The following NOP14 variants were observed in gnomAD, a reference collection of about 807,000 sequenced individuals.
The protein encoded by NOP14 is NOP14 nucleolar protein, also known as nucleolar protein 14.
In NOP14, 57 loss-of-function variants were observed where a neutral mutation model predicts 101.6. That is an observed-to-expected ratio of 0.56 (90% confidence interval 0.45 to 0.70). The LOEUF is 0.70. NOP14 is among the 30% of genes least tolerant of loss of function. The probability of loss-of-function intolerance (pLI) is 0.00; values close to 1 mark genes in which losing one functional copy is unlikely to be tolerated. For synonymous variants in NOP14, 428 were observed against 424.0 expected, an observed-to-expected ratio of 1.01 and a Z score of -0.12; for missense variants, 1,134 against 1,075.5, an observed-to-expected ratio of 1.05 and a Z score of -0.76.
In NOP14 at chr4:2,944,242, T is replaced by TG. The variant is rs778501461; in HGVS notation, c.1738-17dup. 27 of 1,607,468 alleles carry TG rather than the reference T, an allele frequency of 1.7e-5. No individual in the cohort carries two copies. Among genetic ancestry groups the TG allele is most frequent in the Admixed American group, 1.5e-4 (9 of 58,222 alleles). On this transcript the variant is annotated splice_polypyrimidine_tract_variant and intron_variant, in intron 12 of 17. Coordinates refer to ENST00000416614, the MANE Select transcript of NOP14 (RefSeq NM_001291978.2). ...GGATGGGGCACTGGAAAGGAACATA[T>TG]GGGGGGTTACTGTCCTGGGACGATG...
At chr4:2,943,098 G>T (rs1189318352) in intron 13 of NOP14, among the ~76,000 whole-genome samples, 1 of 152,230 alleles carries the variant, frequency 6.6e-6, no homozygotes, top group African/African-American at 2.4e-5. Context: ...GGCTCTCCCG[G>T]AGGCAGGGAG....
chr4:2,938,878 G>C lies in NOP14; in HGVS notation c.2527C>G (p.Gln843Glu). Residue 843 changes from glutamine (Q) to glutamate (E), a missense_variant, in exon 18 of 18, where the codon CAG becomes GAG. Coordinates refer to ENST00000416614, the MANE Select transcript of NOP14 (RefSeq NM_001291978.2). ...TTCAGAGCCTTCCATTCGCCTTCCT[G>C]TGTAGCCAGGCTGTTAAAAAGCTGC... ...VKQLFNSLAT[Q>E]EGEWKALKRK... 6.2e-7 allele frequency: 1 copy of C among 1,614,124 alleles called. No individual in the cohort carries two copies. Among genetic ancestry groups the C allele is most frequent in the Non-Finnish European group, 8.5e-7 (1 of 1,180,010 alleles).
At position 2,944,749 on chromosome 4, in the gene NOP14, G is replaced by A. The variant is rs903727342; in HGVS notation, c.1737+379C>T. 1.3e-4 allele frequency among the ~76,000 whole-genome samples: 20 copies of A among 152,172 alleles called. 1 individual carries two copies. Among genetic ancestry groups the A allele is most frequent in the Admixed American group, 1.2e-3 (18 of 15,278 alleles). On this transcript the variant is annotated intron_variant, in intron 12 of 17. Coordinates refer to ENST00000416614, the MANE Select transcript of NOP14 (RefSeq NM_001291978.2). Reference sequence around the variant, plus strand: ...AAAGTTCCTTCCACCCATACAGAGCGTACGATTACTGCACTAAGCATGTAC... The same window carrying A: ...AAAGTTCCTTCCACCCATACAGAGCATACGATTACTGCACTAAGCATGTAC...
intron 1 of NOP14, among the ~76,000 whole-genome samples, chr4:2,961,161 T>C (rs1188023242): frequency 1.9e-5 from 1 of 52,616 alleles, no homozygotes; most frequent in East Asian, 8.4e-4. Context: ...AATAATATAT[T>C]AATATGCTAT....
chr4:2,938,912 C>G lies in NOP14; in HGVS notation c.2493G>C (p.Arg831=). ...EIMERDAERK[R]KVKQLFNSLA... is the part of the protein sequence containing the mutation. Reference sequence around the variant, plus strand: ...GGCTGTTAAAAAGCTGCTTTACTTTCCGCTTTCTTTCCGCATCCCTAAAAG... The same window carrying G: ...GGCTGTTAAAAAGCTGCTTTACTTTGCGCTTTCTTTCCGCATCCCTAAAAG... The change falls in exon 18 of 18, where the codon CGG becomes CGC. Residue 831 remains arginine (R), a synonymous_variant. Transcript: ENST00000416614. The G allele has an allele frequency of 6.2e-7, 1 of 1,614,152 alleles. No homozygotes were observed. Among genetic ancestry groups the G allele is most frequent in the Admixed American group, 1.7e-5 (1 of 60,030 alleles).
chr4:2,944,008 A>G, intron 13 of NOP14, 65 bp downstream of exon 13: 3 of 1,334,170 alleles, frequency 2.2e-6, no homozygotes, highest in Non-Finnish European at 3.1e-6. Context: ...TACAATGAGT[A>G]TGAACTACTT....
At chr4:2,948,558 G>A in intron 8 of NOP14, 150 bp from the exon 9 acceptor site, 1 of 519,090 alleles carries the variant, frequency 1.9e-6, no homozygotes, top group Non-Finnish European at 3.0e-6. Flanking sequence ...GGGTTCAAGA[G>A]ATTCTCCTGC....
At chr4:2,960,853 TCAA>T (rs1364663719) in intron 1 of NOP14, among the ~76,000 whole-genome samples, 67 of 111,374 alleles carry the variant, frequency 6.0e-4, no homozygotes, top group South Asian at 7.2e-4. Context: ...AATCACATTA[TCAA>T]TATATTAATA....
chr4:2,943,413 G>A (rs1714370562), intron 13 of NOP14, among the ~76,000 whole-genome samples: 1 of 152,250 alleles, frequency 6.6e-6, no homozygotes, highest in Non-Finnish European at 1.5e-5. Flanking sequence ...TCAGGAAGAG[G>A]CTGTGCAGCT....
intron 9 of NOP14, 21 bp downstream of exon 9, chr4:2,948,255 CCA>C (rs1714792191): frequency 2.5e-6 from 4 of 1,583,184 alleles, no homozygotes; most frequent in Admixed American, 1.9e-5. Flanking sequence ...TCCCAGCGCT[CCA>C]CACACACTCA....
At chr4:2,962,676 T>TA (rs912461618) in intron 1 of NOP14, among the ~76,000 whole-genome samples, 13 of 151,092 alleles carry the variant, frequency 8.6e-5, no homozygotes, top group African/African-American at 2.9e-4. Flanking sequence ...AAAAAAAAGT[T>TA]AAAAAAACTA....
chr4:2,959,321 G>A (rs748324844), intron 1 of NOP14, among the ~76,000 whole-genome samples: 45 of 152,284 alleles, frequency 3.0e-4, no homozygotes, highest in Middle Eastern at 3.4e-3. Context: ...GGCCGGGCGC[G>A]GTGGCTCACG....
chr4:2,957,730 G>C lies in NOP14; in HGVS notation c.206C>G (p.Thr69Ser). The C allele has an allele frequency of 1.9e-6, 3 of 1,613,620 alleles. No homozygotes were observed. The highest frequency in any genetic ancestry group is 2.5e-6 in the Non-Finnish European group (3 of 1,179,850). ...CCTTTCTTTGTACTCTTTTAGTAAAGTCTGTGTACGCTGGAAAACAGGTCA... is the reference window on the plus strand; with the variant it reads ...CCTTTCTTTGTACTCTTTTAGTAAACTCTGTGTACGCTGGAAAACAGGTCA... ...RARALRKRTQ[T>S]LLKEYKERDK... Residue 69 changes from threonine to serine, a missense_variant, in exon 2 of 18, where the codon ACT becomes AGT. Physicochemically the swap from Thr to Ser is moderately conservative, Grantham distance 58 (BLOSUM62 1). Coordinates refer to ENST00000416614, the MANE Select transcript of NOP14 (RefSeq NM_001291978.2).
chr4:2,958,152 G>A (rs1227357936), intron 1 of NOP14, among the ~76,000 whole-genome samples: 2 of 152,176 alleles, frequency 1.3e-5, no homozygotes, highest in Non-Finnish European at 2.9e-5. Flanking sequence ...GTACTCCTAA[G>A]AAATGTGTAG....
chr4:2,957,801 A>G (rs1715452753), intron 1 of NOP14, 61 bp from the exon 2 acceptor site: 2 of 1,572,470 alleles, frequency 1.3e-6, no homozygotes, highest in Non-Finnish European at 8.7e-7. Context: ...TACAGGGGAC[A>G]TCAGAACAGT....
rs1714546703 is a variant in NOP14 at position 2,945,372 on chromosome 4, A to T, written c.1636-143T>A. 4 of 645,120 alleles carry T rather than the reference A, an allele frequency of 6.2e-6. No individual in the cohort carries two copies. The East Asian group carries it at 1.2e-4, about 19-fold the overall frequency. 40.0% of individuals were successfully genotyped at this position (645,120 alleles called of 1,614,324 possible). On this transcript the variant is annotated intron_variant, in intron 11 of 17. Coordinates refer to ENST00000416614, the MANE Select transcript of NOP14 (RefSeq NM_001291978.2). ...GGCCCAGAGCTCTGGCCTCAGTGTC[A>T]CAGAACAGGCGTCCAACCACCGTGG...
rs900577362 is a variant in NOP14 at position 2,938,117 on chromosome 4, T to G, written c.*714A>C. On this transcript the variant is annotated 3_prime_UTR_variant, in exon 18 of 18. Coordinates refer to ENST00000416614, the MANE Select transcript of NOP14 (RefSeq NM_001291978.2). ...GACCATTCCCGATCCCAGAGGTGCA[T>G]TTCAGGATTCATTCTATTTCATCAG... is the stretch of plus-strand genomic sequence containing the variant. The G allele has an allele frequency of 7.4e-6, 8 of 1,083,226 alleles. No homozygotes were observed. Among genetic ancestry groups the G allele is most frequent in the Admixed American group, 2.5e-5 (1 of 39,288 alleles). 67.1% of individuals were successfully genotyped at this position (1,083,226 alleles called of 1,614,324 possible). A position where few individuals can be genotyped will look rare whatever the true frequency, so the allele number is the denominator to read the frequency against.
In NOP14 at chr4:2,945,090, C is replaced by A. The variant is rs373568600; in HGVS notation, c.1737+38G>T. ...GCTGTGGCTCCGGCCACCCGTGGTGCAGCAGGCCGACCCCTGCCGCATGTG... is the reference window on the plus strand; with the variant it reads ...GCTGTGGCTCCGGCCACCCGTGGTGAAGCAGGCCGACCCCTGCCGCATGTG... On this transcript the variant is annotated intron_variant, in intron 12 of 17. Transcript: ENST00000416614. The A allele has an allele frequency of 2.1e-4, 308 of 1,452,756 alleles. No homozygotes were observed. In the African/African-American group the frequency reaches 4.0e-3, roughly 19 times the overall value. The allele number at this position is 1,452,756 out of a possible 1,614,324, so 90.0% of individuals were successfully genotyped here. A position where few individuals can be genotyped will look rare whatever the true frequency, so the allele number is the denominator to read the frequency against.
At chr4:2,953,959 G>C (rs532064524) in intron 4 of NOP14, among the ~76,000 whole-genome samples, 24 of 152,308 alleles carry the variant, frequency 1.6e-4, no homozygotes, top group African/African-American at 5.3e-4. Flanking sequence ...TCCGCGCCAG[G>C]TGCAGTGGCC....
Sources: gnomAD v4.1 joint callset for allele counts (sites outside exome capture counted in the v4.1 genomes callset) on GRCh38, gnomAD v4.1.1 for gene constraint, MANE v1.5 for transcripts, NCBI Gene and HGNC (gene_info 2026-07-23, HGNC 2026-07-21) for gene names.